The following EXT1 variants were observed in gnomAD, a reference collection of about 807,000 sequenced individuals.
EXT1 encodes the protein exostosin-1.
In EXT1, 20 loss-of-function variants were observed where a neutral mutation model predicts 82.5. That is an observed-to-expected ratio of 0.24 (90% CI 0.17 to 0.35). The LOEUF (loss-of-function observed/expected upper bound fraction) is 0.35, where lower values mean the gene tolerates loss of function less well. Among genes scored for constraint, EXT1 ranks in the 10% least tolerant of loss-of-function variants. EXT1 has a pLI of 1.00. For synonymous variants in EXT1, 348 were observed against 350.8 expected, an observed-to-expected ratio of 0.99 and a Z score of 0.09; for missense variants, 757 against 936.5, an observed-to-expected ratio of 0.81 and a Z score of 2.50.
chr8:118,092,590 G>A (rs565745112), intron 1 of EXT1, among the ~76,000 whole-genome samples: 1 of 152,338 alleles, frequency 6.6e-6, no homozygotes, highest in East Asian at 1.9e-4. Context: ...GACATAAGGA[G>A]GACGATCCAA....
chr8:117,835,759 A>T (rs574276964), intron 2 of EXT1, among the ~76,000 whole-genome samples: 1 of 152,228 alleles, frequency 6.6e-6, no homozygotes, highest in South Asian at 2.1e-4. Context: ...AATATTTGCA[A>T]GTCTTGCCCT....
intron 1 of EXT1, among the ~76,000 whole-genome samples, chr8:117,845,447 T>C (rs933292081): frequency 2.6e-5 from 4 of 152,054 alleles, no homozygotes; most frequent in African/African-American, 9.7e-5. Flanking sequence ...TGTATATTAA[T>C]GAACACAACA....
chr8:117,913,259 C>T (rs1487505480), intron 1 of EXT1, among the ~76,000 whole-genome samples: 6 of 152,066 alleles, frequency 3.9e-5, no homozygotes, highest in African/African-American at 1.4e-4. Context: ...GAACACAATG[C>T]ATGCCAGGGT....
At chr8:117,974,987 A>C (rs1288292178) in intron 1 of EXT1, among the ~76,000 whole-genome samples, 2 of 152,252 alleles carry the variant, frequency 1.3e-5, no homozygotes, top group Non-Finnish European at 2.9e-5. Context: ...AATTTCTAAA[A>C]TAAAACCTTG....
intron 1 of EXT1, among the ~76,000 whole-genome samples, chr8:118,022,326 CTTTTTTTT>C (rs71307420): frequency 8.7e-5 from 4 of 46,198 alleles, no homozygotes; most frequent in Non-Finnish European, 1.2e-4. Context: ...CATATATATT[CTTTTTTTT>C]TTTTTTTTTT....
chr8:117,874,512 G>A (rs1812931637), intron 1 of EXT1, among the ~76,000 whole-genome samples: 1 of 144,412 alleles, frequency 6.9e-6, no homozygotes, highest in African/African-American at 2.6e-5. Context: ...GCAGGCGGAG[G>A]TTGCAGTGAG....
At chr8:118,101,084 G>A (rs1586274431) in intron 1 of EXT1, among the ~76,000 whole-genome samples, 1 of 152,290 alleles carries the variant, frequency 6.6e-6, no homozygotes, top group South Asian at 2.1e-4. Context: ...GCAGGAAGAT[G>A]AGTTTAATAA....
At chr8:118,005,270 C>T (rs1399269418) in intron 1 of EXT1, among the ~76,000 whole-genome samples, 1 of 152,118 alleles carries the variant, frequency 6.6e-6, no homozygotes, top group African/African-American at 2.4e-5. Flanking sequence ...TTAGTCTAAA[C>T]CCCTCATGTT....
At chr8:117,801,844 G>T (rs750115082) in intron 10 of EXT1, among the ~76,000 whole-genome samples, 2 of 152,162 alleles carry the variant, frequency 1.3e-5, no homozygotes, top group Non-Finnish European at 2.9e-5. Flanking sequence ...TTCCCAAAGG[G>T]TGCTGTACCC....
intron 1 of EXT1, among the ~76,000 whole-genome samples, chr8:117,942,328 CTG>C (rs892153106): frequency 9.9e-5 from 15 of 152,160 alleles, no homozygotes; most frequent in African/African-American, 3.6e-4. Context: ...CCTTATGAGA[CTG>C]TAATAATGTA....
chr8:117,998,416 T>G (rs1197370353), intron 1 of EXT1, among the ~76,000 whole-genome samples: 1 of 152,156 alleles, frequency 6.6e-6, no homozygotes, highest in Non-Finnish European at 1.5e-5. Flanking sequence ...CTCAAGCGAC[T>G]TTCCCACCTC....
intron 1 of EXT1, among the ~76,000 whole-genome samples, chr8:117,855,131 A>G (rs1375843942): frequency 6.6e-6 from 1 of 152,236 alleles, no homozygotes; most frequent in Non-Finnish European, 1.5e-5. Context: ...CACTGCTTTG[A>G]TAGGATGCTA....
chr8:118,073,244 GCTAA>G (rs1563647551), intron 1 of EXT1, among the ~76,000 whole-genome samples: 1 of 152,116 alleles, frequency 6.6e-6, no homozygotes, highest in African/African-American at 2.4e-5. Context: ...AGTGACATAC[GCTAA>G]CTAATTTTAG....
intron 1 of EXT1, among the ~76,000 whole-genome samples, chr8:117,908,009 G>A (rs953370158): frequency 1.6e-4 from 24 of 152,066 alleles, no homozygotes; most frequent in Admixed American, 1.5e-3. Context: ...CGTAAACATC[G>A]GATACATTTC....
At chr8:117,809,245 T>A (rs866612217) in intron 8 of EXT1, among the ~76,000 whole-genome samples, 16 of 66,074 alleles carry the variant, frequency 2.4e-4, no homozygotes, top group South Asian at 4.5e-4. Context: ...ATATATATAT[T>A]ATGTTCTATT....
At chr8:117,999,284 A>ATTC (rs1815609740) in intron 1 of EXT1, among the ~76,000 whole-genome samples, 1 of 152,186 alleles carries the variant, frequency 6.6e-6, no homozygotes, top group South Asian at 2.1e-4. Flanking sequence ...AGAGGGGATG[A>ATTC]TTCTAGTTAA....
intron 1 of EXT1, among the ~76,000 whole-genome samples, chr8:118,062,787 T>C (rs932278048): frequency 2.6e-5 from 4 of 152,184 alleles, no homozygotes; most frequent in East Asian, 1.9e-4. Context: ...AGTTGTTCTA[T>C]ATGTGGACTG....
At chr8:117,889,786 C>T (rs533234309) in intron 1 of EXT1, among the ~76,000 whole-genome samples, 1 of 151,260 alleles carries the variant, frequency 6.6e-6, no homozygotes, top group South Asian at 2.1e-4. Context: ...AGCAATGTGC[C>T]AAAGTTATAA....
rs17505192 is a variant in EXT1, at chr8:118,010,972, A to G, written c.962+99113T>C. On this transcript the variant is annotated intron_variant, in intron 1 of 10. Transcript: ENST00000378204. ...TGTTCAGTAATATGACACTGAGAGG[A>G]CAACAGGAGCTTGCAGGAAAGAAGA... 3.7e-3 allele frequency among the ~76,000 whole-genome samples: 564 copies of G among 152,358 alleles called. 3 individuals carry two copies. Among genetic ancestry groups the G allele is most frequent in the African/African-American group, 0.013 (546 of 41,584 alleles).
Sources: allele counts gnomAD v4.1 joint callset (sites outside exome capture counted in the v4.1 genomes callset), GRCh38; gene constraint gnomAD v4.1.1; transcripts MANE v1.5; gene names NCBI Gene and HGNC (gene_info 2026-07-23, HGNC 2026-07-21).